Variants in RIOX2 observed in about 807,000 individuals in gnomAD.
The protein encoded by RIOX2 is ribosomal oxygenase 2.
In RIOX2, 43 loss-of-function variants were observed where a neutral mutation model predicts 51.2. The ratio of observed to expected loss-of-function variants is 0.84; its 90% CI spans 0.66 to 1.08. The LOEUF (loss-of-function observed/expected upper bound fraction) is 1.08, where lower values mean the gene tolerates loss of function less well. RIOX2 is among the 50% of genes least tolerant of loss of function. The pLI, the probability that RIOX2 is intolerant of heterozygous loss-of-function variation, is 0.00. For missense variants in RIOX2, 566 were observed against 561.7 expected (o/e 1.01, Z -0.08); for synonymous variants, 226 against 218.5 (o/e 1.03, Z -0.30).
chr3:97,961,402 C>G (rs1397412212), intron 3 of RIOX2, among the ~76,000 whole-genome samples, 187 bp downstream of exon 3: 1 of 152,146 alleles, frequency 6.6e-6, no homozygotes, highest in African/African-American at 2.4e-5. Flanking sequence ...GAGCAGGAAA[C>G]CAGTTTAGTG....
chr3:97,963,149 G>C (rs1288734194), intron 2 of RIOX2, among the ~76,000 whole-genome samples: 1 of 152,196 alleles, frequency 6.6e-6, no homozygotes, highest in African/African-American at 2.4e-5. Context: ...ACATGGTCTT[G>C]CTCTGTCACC....
chr3:97,950,778 C>A lies in RIOX2; in HGVS notation c.888+8G>T, dbSNP rs199807912. 5.5e-5 allele frequency: 88 copies of A among 1,612,302 alleles called. No individual in the cohort carries two copies. In the Admixed American group the frequency reaches 1.5e-3, roughly 27 times the overall value. ...CATCCTTCATTCCTACCTGCCTTTA[C>A]TCCTTACCAGGAGCAGCTGCCGGGG... On this transcript the variant is annotated splice_region_variant and intron_variant, in intron 6 of 9. Coordinates refer to ENST00000394198, the MANE Select transcript of RIOX2 (RefSeq NM_153182.4).
chr3:97,946,275 C>CT (rs1314247215), intron 8 of RIOX2, among the ~76,000 whole-genome samples: 1 of 151,914 alleles, frequency 6.6e-6, no homozygotes, highest in Admixed American at 6.6e-5. Context: ...ATAAAAAAAT[C>CT]TGACATTTCT....
At chr3:97,957,990 G>A (rs1034382627) in intron 4 of RIOX2, among the ~76,000 whole-genome samples, 2 of 152,164 alleles carry the variant, frequency 1.3e-5, no homozygotes, top group African/African-American at 4.8e-5. Context: ...CAGCAGGCCA[G>A]ATTTTCTGGT....
At chr3:97,953,114 C>T (rs183357867) in intron 5 of RIOX2, among the ~76,000 whole-genome samples, 6 of 152,270 alleles carry the variant, frequency 3.9e-5, no homozygotes, top group Admixed American at 3.9e-4. Flanking sequence ...TGCTGACCCA[C>T]CCCTACTTAC....
chr3:97,968,890 G>T (rs1298368318), intron 1 of RIOX2, among the ~76,000 whole-genome samples: 1 of 152,116 alleles, frequency 6.6e-6, no homozygotes, highest in Non-Finnish European at 1.5e-5. Context: ...TATCAGAATT[G>T]CAAGAATACT....
At chr3:97,956,822 AAAT>A (rs1351764868) in intron 4 of RIOX2, among the ~76,000 whole-genome samples, 5 of 152,160 alleles carry the variant, frequency 3.3e-5, no homozygotes, top group Non-Finnish European at 7.4e-5. Context: ...GGAGGCAGCA[AAAT>A]AATATTTTTC....
intron 7 of RIOX2, among the ~76,000 whole-genome samples, chr3:97,948,993 C>CA (rs1705120594): frequency 6.6e-6 from 1 of 152,122 alleles, no homozygotes; most frequent in African/African-American, 2.4e-5. Flanking sequence ...ATAAATTAGG[C>CA]ACCTGTGCCT....
intron 5 of RIOX2, 158 bp from the exon 6 acceptor site, chr3:97,951,046 T>A (rs1029141040): frequency 3.4e-6 from 2 of 595,136 alleles, no homozygotes; most frequent in African/African-American, 3.7e-5. Context: ...TTACTCAGCA[T>A]GGAAATCTAA....
chr3:97,944,671 G>A lies in RIOX2; in HGVS notation c.*513C>T, dbSNP rs971456050. The A allele has an allele frequency of 2.6e-5, 4 of 152,076 alleles. No homozygotes were observed. The highest frequency in any genetic ancestry group is 4.8e-5 in the African/African-American group (2 of 41,264). The allele number at this position is 152,076 out of a possible 1,614,324, so 9.4% of individuals were successfully genotyped here. ...ACTCCCTTTTGTCCATAGGTGTTGC[G>A]TGCCTCTCATCTGTGGGGAAGTATT... On this transcript the variant is annotated 3_prime_UTR_variant, in exon 10 of 10. Coordinates refer to ENST00000394198, the MANE Select transcript of RIOX2 (RefSeq NM_153182.4).
Position 97,967,594 on chromosome 3 carries a change from C to A in RIOX2, c.-1G>T. On this transcript the variant is annotated 5_prime_UTR_variant, in exon 2 of 10. Transcript: ENST00000394198. ...CTGTAGGCTTTGCTTTCTTTGGCAT[C>A]GTTCTGTCTTCAAGACAAAGCAGTA... 6.4e-7 allele frequency: 1 copy of A among 1,571,692 alleles called. No homozygotes were observed. The highest frequency in any genetic ancestry group is 8.6e-7 in the Non-Finnish European group (1 of 1,164,488).
At chr3:97,951,004 G>T in intron 5 of RIOX2, 116 bp from the exon 6 acceptor site, 2 of 701,170 alleles carry the variant, frequency 2.9e-6, no homozygotes, top group Non-Finnish European at 4.9e-6. Context: ...TGGCTTCCCT[G>T]TCCAGGCATT....
chr3:97,945,328 G>C lies in RIOX2; in HGVS notation c.1254C>G (p.Arg418=). Residue 418 remains arginine, a synonymous_variant, in exon 10 of 10, where the codon CGC becomes CGG. Coordinates refer to ENST00000394198, the MANE Select transcript of RIOX2 (RefSeq NM_153182.4). The part of the protein sequence containing the change: ...NEEETEFHGL[R]FPLSHLDALK... ...GTGCATCCAAATGTGACAAAGGGAA[G>C]CGAAGTCCATGAAACTGAAAGGATA... 6.2e-7 allele frequency: 1 copy of C among 1,610,678 alleles called. No individual in the cohort carries two copies. Among genetic ancestry groups the C allele is most frequent in the South Asian group, 1.1e-5 (1 of 90,468 alleles).
In RIOX2 at chr3:97,949,831, C is replaced by G; in HGVS notation, c.1060+13G>C. 1 of 1,611,790 alleles carries G rather than the reference C, an allele frequency of 6.2e-7. No individual in the cohort carries two copies. Among genetic ancestry groups the G allele is most frequent in the Non-Finnish European group, 8.5e-7 (1 of 1,179,080 alleles). On this transcript the variant is annotated intron_variant, in intron 7 of 9. Transcript: ENST00000394198. ...TAGCCTCTGACCACCCAGAAGAAAACAGCAAGCTCCACCTGGTGTTGACAG... is the reference window on the plus strand; with the variant it reads ...TAGCCTCTGACCACCCAGAAGAAAAGAGCAAGCTCCACCTGGTGTTGACAG...
intron 9 of RIOX2, 186 bp downstream of exon 9, chr3:97,945,612 G>A: frequency 1.6e-6 from 1 of 617,084 alleles, no homozygotes; most frequent in South Asian, 2.1e-5. Context: ...TCTTAAAACT[G>A]GTGTGCATGT....
At chr3:97,963,518 C>T (rs537352296) in intron 2 of RIOX2, among the ~76,000 whole-genome samples, 14 of 152,260 alleles carry the variant, frequency 9.2e-5, no homozygotes, top group African/African-American at 3.4e-4. Context: ...ATCTGAATAG[C>T]TCCAAAGAGT....
chr3:97,945,351 A>ATAAAT lies in RIOX2; in HGVS notation c.1240-14_1240-10dup. The ATAAAT allele has an allele frequency of 6.2e-7, 1 of 1,605,710 alleles. No individual in the cohort carries two copies. The highest frequency in any genetic ancestry group is 1.7e-5 in the Admixed American group (1 of 58,452). ...AAGCGAAGTCCATGAAACTGAAAGGATAAATTTATTTGTCAAAATATATGT... is the reference window on the plus strand; with the variant it reads ...AAGCGAAGTCCATGAAACTGAAAGGATAAATTAAATTTATTTGTCAAAATATATGT... On this transcript the variant is annotated splice_polypyrimidine_tract_variant and intron_variant, in intron 9 of 9. Coordinates refer to ENST00000394198, the MANE Select transcript of RIOX2 (RefSeq NM_153182.4).
intron 7 of RIOX2, 72 bp from the exon 8 acceptor site, chr3:97,947,521 A>G: frequency 9.0e-7 from 1 of 1,116,868 alleles, no homozygotes; most frequent in Non-Finnish European, 1.4e-6. Flanking sequence ...GCTTATACAT[A>G]CACATAGGAA....
At chr3:97,965,210 T>TAAAAAAAAAAAA (rs10644219) in intron 2 of RIOX2, among the ~76,000 whole-genome samples, 1 of 114,906 alleles carries the variant, frequency 8.7e-6, no homozygotes, top group Non-Finnish European at 1.7e-5. Flanking sequence ...ACAAAGAGAT[T>TAAAAAAAAAAAA]AAAAAAAAAA....
Sources: allele counts gnomAD v4.1 joint callset (sites outside exome capture counted in the v4.1 genomes callset), GRCh38; gene constraint gnomAD v4.1.1; transcripts MANE v1.5; gene names NCBI Gene and HGNC (gene_info 2026-07-23, HGNC 2026-07-21).